Variants in KIF20A observed in about 807,000 individuals in gnomAD.
The protein encoded by KIF20A is kinesin-like protein KIF20A.
Under a neutral mutation model 113.0 loss-of-function variants are expected in KIF20A, and 66 were observed. That is an observed-to-expected ratio of 0.58 (90% CI 0.48 to 0.72). The LOEUF (loss-of-function observed/expected upper bound fraction) is 0.72. KIF20A is among the 30% of genes least tolerant of loss of function. The pLI is 0.00. For synonymous variants in KIF20A, 376 were observed against 402.3 expected, an observed-to-expected ratio of 0.93 and a Z score of 0.78; for missense variants, 927 against 1,077.6, an observed-to-expected ratio of 0.86 and a Z score of 1.96.
rs757674583 is a variant in KIF20A at position 138,181,696 on chromosome 5, G to A, written c.343G>A (p.Gly115Ser). ...CCTGAAGAGCAATGAACGGGGAATT[G>A]GCCAAGCCACACACAGGTTCACCTT... is the stretch of plus-strand genomic sequence containing the variant. ...FALKSNERGI[G>S]QATHRFTFSQ... Residue 115 changes from glycine (G) to serine (S), a missense_variant, in exon 4 of 19, where the codon GGC becomes AGC. Transcript: ENST00000394894. 2.9e-5 allele frequency: 47 copies of A among 1,613,980 alleles called. No homozygotes were observed. The highest frequency in any genetic ancestry group is 3.6e-5 in the Non-Finnish European group (43 of 1,180,046).
In KIF20A at chr5:138,185,584, C is replaced by T; in HGVS notation, c.1999C>T (p.Gln667Ter). 1 of 1,614,154 alleles carries T rather than the reference C, an allele frequency of 6.2e-7. No individual in the cohort carries two copies. The highest frequency in any genetic ancestry group is 8.5e-7 in the Non-Finnish European group (1 of 1,180,024). Residue 667 changes from glutamine (Q) to a stop codon, truncating the protein, a stop_gained, in exon 16 of 19, where the codon CAA becomes TAA. Coordinates refer to ENST00000394894, the MANE Select transcript of KIF20A (RefSeq NM_005733.3). LOFTEE classifies it high-confidence loss of function. ...CAGACAACAGTCAGTGGCCCATCAG[C>T]AATCAGGGTCTGAATTGGCCCTACG... The part of the protein sequence containing the change: ...EARQQSVAHQ[Q>*]SGSELALRRS...
At chr5:138,186,084 C>G (rs1754740384) in intron 17 of KIF20A, 32 bp downstream of exon 17, 1 of 1,595,140 alleles carries the variant, frequency 6.3e-7, no homozygotes, top group African/African-American at 1.3e-5. Flanking sequence ...TTACCAAACT[C>G]TTACCTAAGG....
In KIF20A at chr5:138,184,090, A is replaced by C. The variant is rs754520813; in HGVS notation, c.1337A>C (p.Gln446Pro). 23 of 1,614,020 alleles carry C rather than the reference A, an allele frequency of 1.4e-5. No individual in the cohort carries two copies. Among genetic ancestry groups the C allele is most frequent in the Non-Finnish European group, 1.9e-5 (22 of 1,180,012 alleles). ...GGCCGCTGTATTGCTGCCCTTCGTC[A>C]AAACCAGCAGAACCGGTGAGCTTTT... ...TLGRCIAALR[Q>P]NQQNRSKQNL... The change falls in exon 11 of 19, where the codon CAA becomes CCA. Residue 446 changes from glutamine (Q) to proline (P), a missense_variant. Coordinates refer to ENST00000394894, the MANE Select transcript of KIF20A (RefSeq NM_005733.3).
chr5:138,185,971 G>T lies in KIF20A; in HGVS notation c.2136G>T (p.Lys712Asn). 6.2e-7 allele frequency: 1 copy of T among 1,613,978 alleles called. No homozygotes were observed. Among genetic ancestry groups the T allele is most frequent in the Non-Finnish European group, 8.5e-7 (1 of 1,179,898 alleles). The change falls in exon 17 of 19, where the codon AAG becomes AAT. Residue 712 changes from lysine to asparagine, a missense_variant. Transcript: ENST00000394894. ...ELNSTTEELH[K>N]YQKMLEPPPS... The stretch of plus-strand genomic sequence containing the variant: ...GTTTCCTTCCCTCAGAGTTGCATAA[G>T]TATCAGAAAATGTTAGAACCACCAC...
At chr5:138,180,749 C>T (rs1754649044) in intron 2 of KIF20A, among the ~76,000 whole-genome samples, 1 of 152,142 alleles carries the variant, frequency 6.6e-6, no homozygotes, top group Non-Finnish European at 1.5e-5. Context: ...AATCTCTGCT[C>T]ACTGCAACCT....
At chr5:138,182,269 G>A in intron 4 of KIF20A, 54 bp from the exon 5 acceptor site, 1 of 1,585,808 alleles carries the variant, frequency 6.3e-7, no homozygotes, top group Admixed American at 1.7e-5. Flanking sequence ...GCTCTGCACA[G>A]GAGGCAAGTG....
In KIF20A at chr5:138,184,174, G is replaced by A; in HGVS notation, c.1353-65G>A. The stretch of plus-strand genomic sequence containing the variant: ...AGACTTCCTGGACACCACTGGGGAT[G>A]GTGCTAGGATACCCAAAGGGCTGGT... On this transcript the variant is annotated intron_variant, in intron 11 of 18. Transcript: ENST00000394894. 3 of 1,610,178 alleles carry A rather than the reference G, an allele frequency of 1.9e-6. No individual in the cohort carries two copies. The Admixed American group carries it at 5.0e-5, about 27-fold the overall frequency.
At position 138,184,965 on chromosome 5, in the gene KIF20A, C is replaced by T. The variant is rs374454899; in HGVS notation, c.1823+19C>T. On this transcript the variant is annotated intron_variant, in intron 14 of 18. Coordinates refer to ENST00000394894, the MANE Select transcript of KIF20A (RefSeq NM_005733.3). ...GGTGCAGGTACTAGCTGAGTGACCC[C>T]TCTTGCTCTGTCACCTGAGACAGAG... The T allele has an allele frequency of 1.2e-6, 2 of 1,612,844 alleles. No individual in the cohort carries two copies. Among genetic ancestry groups the T allele is most frequent in the East Asian group, 2.2e-5 (1 of 44,870 alleles).
intron 4 of KIF20A, 122 bp from the exon 5 acceptor site, chr5:138,182,201 G>A (rs1309423837): frequency 1.2e-5 from 13 of 1,044,612 alleles, no homozygotes; most frequent in South Asian, 1.2e-4. Context: ...AGCATTGCAG[G>A]AAGAAGCTGC....
chr5:138,185,049 C>T, intron 14 of KIF20A, 46 bp from the exon 15 acceptor site: 1 of 1,592,078 alleles, frequency 6.3e-7, no homozygotes, highest in South Asian at 1.1e-5. Flanking sequence ...CAAGTTCACT[C>T]CTCAGAACCT....
rs1172000752 is a variant in KIF20A, at chr5:138,181,721, T to C, written c.368T>C (p.Phe123Ser). 1 of 1,613,846 alleles carries C rather than the reference T, an allele frequency of 6.2e-7. No homozygotes were observed. Among genetic ancestry groups the C allele is most frequent in the Admixed American group, 1.7e-5 (1 of 60,018 alleles). Residue 123 changes from phenylalanine (F) to serine (S), a missense_variant, in exon 4 of 19, where the codon TTT (phenylalanine) becomes TCT (serine). Transcript: ENST00000394894. ...GIGQATHRFT[F>S]SQIFGPEVGQ... ...GGCCAAGCCACACACAGGTTCACCT[T>C]TTCCCAGGTATGGAGGGTACTGGTT...
Position 138,179,735 on chromosome 5 carries a change from G to A in KIF20A, c.55G>A (p.Val19Ile). Residue 19 changes from valine (V) to isoleucine (I), a missense_variant, in exon 2 of 19, where the codon GTA becomes ATA. Physicochemically the swap from Val to Ile is conservative, Grantham distance 29. Coordinates refer to ENST00000394894, the MANE Select transcript of KIF20A (RefSeq NM_005733.3). Reference sequence around the variant, plus strand: ...GGGCTTGCTGTCCGATGACGATGTCGTAGTTTCTCCCATGTTTGAGTCCAC... The same window carrying A: ...GGGCTTGCTGTCCGATGACGATGTCATAGTTTCTCCCATGTTTGAGTCCAC... ...PAGLLSDDDV[V>I]VSPMFESTAA... The A allele has an allele frequency of 6.2e-7, 1 of 1,614,112 alleles. No homozygotes were observed. The highest frequency in any genetic ancestry group is 8.5e-7 in the Non-Finnish European group (1 of 1,180,020).
At chr5:138,182,040 T>A in intron 4 of KIF20A, 1 of 567,080 alleles carries the variant, frequency 1.8e-6, no homozygotes, top group South Asian at 2.3e-5. Flanking sequence ...TCCATGTATC[T>A]CCAAAGCCCA....
Position 138,183,186 on chromosome 5 carries a change from G to A in KIF20A, c.850G>A (p.Ala284Thr), listed in dbSNP as rs1423605224. The A allele has an allele frequency of 6.2e-7, 1 of 1,614,018 alleles. No individual in the cohort carries two copies. Among genetic ancestry groups the A allele is most frequent in the Non-Finnish European group, 8.5e-7 (1 of 1,179,970 alleles). ...SQLDETSHRW[A>T]QPDTAPLPVP... is the part of the protein sequence containing the mutation. ...TTCTCCAGAAACAAGTCATCGATGG[G>A]CACAGCCAGACACTGCCCCACTACC... Residue 284 changes from alanine to threonine, a missense_variant, in exon 8 of 19, where the codon GCA (alanine) becomes ACA (threonine). Physicochemically the swap from Ala to Thr is moderately conservative, Grantham distance 58 (BLOSUM62 0). Coordinates refer to ENST00000394894, the MANE Select transcript of KIF20A (RefSeq NM_005733.3). The surrounding 1 kb of genome is among the most constrained non-coding windows in gnomAD (Gnocchi z 5.2).
In KIF20A at chr5:138,186,314, A is replaced by G. The variant is rs371748909; in HGVS notation, c.2238A>G (p.Thr746=). The change falls in exon 18 of 19, where the codon ACA becomes ACG. Residue 746 remains threonine, a synonymous_variant. Transcript: ENST00000394894. ...EGQKNIRLLR[T]ELQKLGESLQ... The stretch of plus-strand genomic sequence containing the variant: ...TTCAGAATATAAGGCTGTTGCGGAC[A>G]GAGCTTCAGAAACTTGGTGAGTCTC... The G allele has an allele frequency of 2.5e-6, 4 of 1,597,434 alleles. No individual in the cohort carries two copies. In the African/African-American group the frequency reaches 5.4e-5, roughly 22 times the overall value.
Position 138,183,105 on chromosome 5 carries a change from C to T in KIF20A, c.833-64C>T. 2 of 1,600,972 alleles carry T rather than the reference C, an allele frequency of 1.2e-6. No individual in the cohort carries two copies. The highest frequency in any genetic ancestry group is 2.2e-5 in the South Asian group (2 of 89,376). On this transcript the variant is annotated intron_variant, in intron 7 of 18. Coordinates refer to ENST00000394894, the MANE Select transcript of KIF20A (RefSeq NM_005733.3). This position sits in a 1 kb window ranked among gnomAD's most constrained non-coding sequence, Gnocchi z 5.2. ...ATCTAAGGTCTGCCTTCCAAGGCCC[C>T]TGCAGGCCAAAAGAGAGGTGAACTG...
intron 11 of KIF20A, 53 bp downstream of exon 11, chr5:138,184,158 G>C: frequency 6.2e-7 from 1 of 1,612,004 alleles, no homozygotes; most frequent in Admixed American, 1.7e-5. Context: ...GAGACTTCCT[G>C]GACACCACTG....
At chr5:138,182,294 G>A in intron 4 of KIF20A, 29 bp from the exon 5 acceptor site, 1 of 1,605,064 alleles carries the variant, frequency 6.2e-7, no homozygotes, top group Non-Finnish European at 8.5e-7. Flanking sequence ...ATGAAGGAGA[G>A]GCCTCTAAAA....
At position 138,182,307 on chromosome 5, in the gene KIF20A, C is replaced by T. The variant is rs764748938; in HGVS notation, c.376-16C>T. 2.5e-6 allele frequency: 4 copies of T among 1,608,564 alleles called. No individual in the cohort carries two copies. Among genetic ancestry groups the T allele is most frequent in the Non-Finnish European group, 3.4e-6 (4 of 1,177,908 alleles). On this transcript the variant is annotated splice_polypyrimidine_tract_variant and intron_variant, in intron 4 of 18. Coordinates refer to ENST00000394894, the MANE Select transcript of KIF20A (RefSeq NM_005733.3). ...AGATGAAGGAGAGGCCTCTAAAAAA[C>T]TGGGTCTCTCTCTAGATCTTTGGGC...
Sources: gnomAD v4.1 joint callset for allele counts (sites outside exome capture counted in the v4.1 genomes callset) on GRCh38, gnomAD v4.1.1 for gene constraint, Gnocchi (gnomAD v3.1) non-coding constraint, MANE v1.5 for transcripts, NCBI Gene and HGNC (gene_info 2026-07-23, HGNC 2026-07-21) for gene names.